Variants in XYLT1 observed in about 807,000 individuals in gnomAD.
XYLT1 encodes the protein xylosyltransferase 1, also known as beta-D-xylosyltransferase 1.
In XYLT1, 36 loss-of-function variants were observed where a neutral mutation model predicts 91.3. The ratio of observed to expected loss-of-function variants is 0.39; its 90% confidence interval spans 0.30 to 0.52. XYLT1 has a LOEUF of 0.52. Ranked by LOEUF, XYLT1 falls within the 20% of genes least tolerant of loss-of-function variation. The pLI is 0.68. For missense variants in XYLT1, 1,242 were observed against 1,284.5 expected, an observed-to-expected ratio of 0.97 and a Z score of 0.51; for synonymous variants, 588 against 532.0, an observed-to-expected ratio of 1.11 and a Z score of -1.45.
intron 3 of XYLT1, among the ~76,000 whole-genome samples, chr16:17,236,200 C>A (rs909017251): frequency 5.9e-5 from 9 of 152,154 alleles, no homozygotes; most frequent in Non-Finnish European, 1.2e-4. Context: ...AATTTAAATA[C>A]AAGCATCTGA....
chr16:17,458,778 A>C (rs1409720943), intron 1 of XYLT1, among the ~76,000 whole-genome samples: 2 of 152,070 alleles, frequency 1.3e-5, no homozygotes, highest in Non-Finnish European at 2.9e-5. Context: ...TTCTTACTTA[A>C]ATGCCACTTT....
At chr16:17,371,632 T>C (rs1398815330) in intron 1 of XYLT1, among the ~76,000 whole-genome samples, 3 of 152,200 alleles carry the variant, frequency 2.0e-5, no homozygotes. Flanking sequence ...TTTCATAAAA[T>C]TGAAGTATGT....
At chr16:17,435,895 G>A (rs1413740270) in intron 1 of XYLT1, among the ~76,000 whole-genome samples, 1 of 152,182 alleles carries the variant, frequency 6.6e-6, no homozygotes, top group African/African-American at 2.4e-5. Flanking sequence ...CCAACTAAAG[G>A]CAGGAAGTAG....
chr16:17,432,513 C>T (rs995681432), intron 1 of XYLT1, among the ~76,000 whole-genome samples: 3 of 152,042 alleles, frequency 2.0e-5, no homozygotes, highest in Non-Finnish European at 2.9e-5. Flanking sequence ...AGCAGATTAG[C>T]GGGTGCCTGG....
chr16:17,256,668 A>AT (rs2033637742), intron 3 of XYLT1, among the ~76,000 whole-genome samples: 1 of 151,806 alleles, frequency 6.6e-6, no homozygotes, highest in Admixed American at 6.6e-5. Context: ...AACAAAAAAA[A>AT]GAGTAGCGAA....
chr16:17,346,863 A>G (rs1214188506), intron 2 of XYLT1, among the ~76,000 whole-genome samples: 1 of 152,194 alleles, frequency 6.6e-6, no homozygotes. Flanking sequence ...TGGCACCTGC[A>G]CCACAGCTAA....
intron 2 of XYLT1, among the ~76,000 whole-genome samples, chr16:17,295,219 G>A (rs1180327859): frequency 6.6e-6 from 1 of 152,198 alleles, no homozygotes; most frequent in East Asian, 1.9e-4. Context: ...CAAGCCTCAC[G>A]TTGCTGGTGG....
rs370723715 is a variant in XYLT1, at chr16:17,264,911, G to A, written c.403-5413C>T. Among the ~76,000 whole-genome samples the A allele has an allele frequency of 7.2e-5, 11 of 152,236 alleles. No individual in the cohort carries two copies. The South Asian group carries it at 1.2e-3, about 17-fold the overall frequency. On this transcript the variant is annotated intron_variant, in intron 2 of 11. Transcript: ENST00000261381. The stretch of plus-strand genomic sequence containing the variant: ...ATGATAATAATATCCATCTCAGGCC[G>A]GGCACAGTGGCTCACACCTGTAATC...
chr16:17,340,249 C>G (rs533557032), intron 2 of XYLT1, among the ~76,000 whole-genome samples: 1 of 152,320 alleles, frequency 6.6e-6, no homozygotes, highest in East Asian at 1.9e-4. Context: ...TGCAGCTCAA[C>G]TGGAGACTCC....
At chr16:17,381,983 A>G (rs962219165) in intron 1 of XYLT1, among the ~76,000 whole-genome samples, 9 of 151,808 alleles carry the variant, frequency 5.9e-5, no homozygotes, top group Admixed American at 5.3e-4. Context: ...CATTGAACAG[A>G]TGACAATACT....
intron 1 of XYLT1, among the ~76,000 whole-genome samples, chr16:17,380,992 G>C (rs1040955966): frequency 6.6e-6 from 1 of 152,222 alleles, no homozygotes; most frequent in Non-Finnish European, 1.5e-5. Context: ...CAGTTTCCAG[G>C]GGCTGGGGGT....
chr16:17,408,837 A>T (rs1204925281), intron 1 of XYLT1, among the ~76,000 whole-genome samples: 1 of 152,204 alleles, frequency 6.6e-6, no homozygotes, highest in Admixed American at 6.5e-5. Flanking sequence ...AACAAGAGTG[A>T]AACTCCATCT....
intron 1 of XYLT1, among the ~76,000 whole-genome samples, chr16:17,466,905 C>A (rs1283820956): frequency 1.3e-5 from 2 of 150,770 alleles, no homozygotes; most frequent in African/African-American, 2.4e-5. Flanking sequence ...AAAAAACGAA[C>A]CATCAATAAC....
At chr16:17,369,234 A>G (rs1376390808) in intron 1 of XYLT1, among the ~76,000 whole-genome samples, 2 of 149,990 alleles carry the variant, frequency 1.3e-5, no homozygotes, top group African/African-American at 4.9e-5. Flanking sequence ...GGTTCAAGCG[A>G]TTCTCCTGCC....
At chr16:17,256,400 C>T (rs1040927139) in intron 3 of XYLT1, among the ~76,000 whole-genome samples, 1 of 152,142 alleles carries the variant, frequency 6.6e-6, no homozygotes, top group Non-Finnish European at 1.5e-5. Context: ...CCCCTGTAAT[C>T]CCAGCACTTT....
chr16:17,119,597 A>AGCTTCACT (rs1454862744), intron 10 of XYLT1, among the ~76,000 whole-genome samples: 3 of 152,198 alleles, frequency 2.0e-5, no homozygotes, highest in Non-Finnish European at 4.4e-5. Context: ...CAGCTTACAG[A>AGCTTCACT]GCTTCACTGC....
At chr16:17,269,897 C>T (rs896241239) in intron 2 of XYLT1, among the ~76,000 whole-genome samples, 11 of 151,596 alleles carry the variant, frequency 7.3e-5, no homozygotes, top group Non-Finnish European at 1.2e-4. Flanking sequence ...GTGCAACCTC[C>T]GCCTCCCGGG....
Position 17,127,660 on chromosome 16 carries a change from T to G in XYLT1, c.2223+6A>C, listed in dbSNP as rs757535848. The stretch of plus-strand genomic sequence containing the variant: ...CAATGAAATGTGACAAGACCTGGCC[T>G]CTTACCTCGGAAAACTGAAGCCTCC... On this transcript the variant is annotated splice_donor_region_variant and intron_variant, in intron 10 of 11. Coordinates refer to ENST00000261381, the MANE Select transcript of XYLT1 (RefSeq NM_022166.4). 4.3e-6 allele frequency: 7 copies of G among 1,612,792 alleles called. No homozygotes were observed. Among genetic ancestry groups the G allele is most frequent in the Non-Finnish European group, 5.9e-6 (7 of 1,179,534 alleles).
At chr16:17,219,665 G>A (rs1199863504) in intron 3 of XYLT1, among the ~76,000 whole-genome samples, 2 of 152,050 alleles carry the variant, frequency 1.3e-5, no homozygotes, top group East Asian at 3.9e-4. Context: ...TTTTTGAGAT[G>A]GAGTCTCACT....
Sources: gnomAD v4.1 joint callset for allele counts (sites outside exome capture counted in the v4.1 genomes callset) on GRCh38, gnomAD v4.1.1 for gene constraint, MANE v1.5 for transcripts, NCBI Gene and HGNC (gene_info 2026-07-23, HGNC 2026-07-21) for gene names.